The following NTNG1 variants were observed in gnomAD, a reference collection of about 807,000 sequenced individuals.
NTNG1 encodes netrin G1.
In NTNG1, 16 loss-of-function variants were observed where a neutral mutation model predicts 54.0. That is an observed-to-expected ratio of 0.30 (90% CI 0.20 to 0.45). The LOEUF (loss-of-function observed/expected upper bound fraction) is 0.45. NTNG1 is among the 20% of genes least tolerant of loss of function. NTNG1 has a pLI of 1.00. For synonymous variants in NTNG1, 255 were observed against 263.1 expected (o/e 0.97, Z 0.30); for missense variants, 530 against 678.7 (o/e 0.78, Z 2.43).
chr1:107,418,438 G>C (rs1570919706), intron 5 of NTNG1: 2 of 530,418 alleles, frequency 3.8e-6, no homozygotes, highest in Non-Finnish European at 6.8e-6. Context: ...TTTGATGTGG[G>C]AGTCATGTTT....
At chr1:107,194,526 A>G (rs1433595300) in intron 2 of NTNG1, among the ~76,000 whole-genome samples, 1 of 151,986 alleles carries the variant, frequency 6.6e-6, no homozygotes, top group East Asian at 1.9e-4. Context: ...CTGAGAGGAA[A>G]GAGACAGCCC....
At chr1:107,380,279 T>G (rs17018826) in intron 3 of NTNG1, among the ~76,000 whole-genome samples, 2,477 of 152,316 alleles carry the variant, frequency 0.016, 50 homozygotes, top group African/African-American at 0.055. Flanking sequence ...GTGATCTCCA[T>G]TTTCAAACAC....
chr1:107,350,708 G>A (rs1046978463), intron 3 of NTNG1, among the ~76,000 whole-genome samples: 1 of 152,148 alleles, frequency 6.6e-6, no homozygotes, highest in Non-Finnish European at 1.5e-5. Flanking sequence ...TGATGAGCCT[G>A]GAGAACATTA....
intron 7 of NTNG1, among the ~76,000 whole-genome samples, chr1:107,477,021 G>A (rs745953048): frequency 2.0e-5 from 3 of 152,222 alleles, no homozygotes; most frequent in Non-Finnish European, 4.4e-5. Context: ...GGATACTGAA[G>A]TAATTCCTGT....
rs932973054 is a variant in NTNG1, at chr1:107,439,465, A to G, written c.1390+2666A>G. Among the ~76,000 whole-genome samples the G allele has an allele frequency of 3.3e-5, 5 of 152,136 alleles. No homozygotes were observed. In the East Asian group the frequency reaches 5.8e-4, roughly 18 times the overall value. On this transcript the variant is annotated intron_variant, in intron 7 of 7. Transcript: ENST00000370068. ...ATATGTGATCCATCATATGGTTTTA[A>G]GCAGAGACATGAAAGGAACAGATTT...
intron 7 of NTNG1, among the ~76,000 whole-genome samples, chr1:107,444,017 G>A (rs1041887739): frequency 6.6e-6 from 1 of 152,106 alleles, no homozygotes; most frequent in East Asian, 1.9e-4. Context: ...TAGGAAGACA[G>A]GAAATAGAAA....
intron 3 of NTNG1, among the ~76,000 whole-genome samples, chr1:107,361,160 A>G (rs1670246659): frequency 6.9e-6 from 1 of 144,790 alleles, no homozygotes; most frequent in Non-Finnish European, 1.5e-5. Context: ...TATTTCTTAT[A>G]TAAAATATAA....
intron 2 of NTNG1, among the ~76,000 whole-genome samples, chr1:107,226,287 G>A (rs985433426): frequency 1.3e-5 from 2 of 152,100 alleles, no homozygotes; most frequent in Non-Finnish European, 2.9e-5. Flanking sequence ...AACGCTAAAT[G>A]CAATGCACTA....
intron 3 of NTNG1, among the ~76,000 whole-genome samples, chr1:107,387,018 C>T (rs1466588009): frequency 2.0e-5 from 3 of 152,118 alleles, no homozygotes; most frequent in Non-Finnish European, 2.9e-5. Flanking sequence ...AGCATTTCTT[C>T]GTGTGCTTAT....
chr1:107,353,992 C>T (rs77931408), intron 3 of NTNG1, among the ~76,000 whole-genome samples: 1 of 152,086 alleles, frequency 6.6e-6, no homozygotes, highest in Non-Finnish European at 1.5e-5. Flanking sequence ...GGAAATCAAC[C>T]CCAATGATCC....
chr1:107,229,505 A>G (rs928884031), intron 2 of NTNG1, among the ~76,000 whole-genome samples: 1 of 151,638 alleles, frequency 6.6e-6, no homozygotes, highest in Non-Finnish European at 1.5e-5. Context: ...GATGTGTTTA[A>G]TATATTTCAA....
At chr1:107,295,653 T>C (rs1308101035) in intron 2 of NTNG1, among the ~76,000 whole-genome samples, 2 of 152,172 alleles carry the variant, frequency 1.3e-5, no homozygotes, top group African/African-American at 4.8e-5. Flanking sequence ...AATAACAATG[T>C]ACATAGAGAA....
At chr1:107,380,889 CA>C (rs2101031820) in intron 3 of NTNG1, among the ~76,000 whole-genome samples, 1 of 152,142 alleles carries the variant, frequency 6.6e-6, no homozygotes, top group Admixed American at 6.5e-5. Context: ...AAATATAAAA[CA>C]AAAATATTTA....
chr1:107,285,666 A>G (rs1665150818), intron 2 of NTNG1, among the ~76,000 whole-genome samples: 1 of 152,202 alleles, frequency 6.6e-6, no homozygotes, highest in Non-Finnish European at 1.5e-5. Flanking sequence ...GGCAGGAGAC[A>G]CATTGGCAGC....
chr1:107,361,298 AAATATATAACAT>A (rs1321807520), intron 3 of NTNG1, among the ~76,000 whole-genome samples: 2 of 143,864 alleles, frequency 1.4e-5, no homozygotes, highest in Non-Finnish European at 3.0e-5. Context: ...TTTTATATAA[AAATATATAACAT>A]AATATATAAC....
At position 107,468,718 on chromosome 1, in the gene NTNG1, A is replaced by C. The variant is rs375329718; in HGVS notation, c.1391-11893A>C. ...ATAAAAAAAGTCACTGAGATCCTTC[A>C]GGTCTTCAGGGCCATGTTGTTTTCA... is the stretch of plus-strand genomic sequence containing the variant. On this transcript the variant is annotated intron_variant, in intron 7 of 7. Coordinates refer to ENST00000370068, the MANE Select transcript of NTNG1 (RefSeq NM_001113226.3). Among the ~76,000 whole-genome samples, 4 of 152,364 alleles carry C rather than the reference A, an allele frequency of 2.6e-5. No individual in the cohort carries two copies. The East Asian group carries it at 5.8e-4, about 22-fold the overall frequency.
At chr1:107,402,426 G>A (rs1334497489) in intron 4 of NTNG1, among the ~76,000 whole-genome samples, 2 of 152,114 alleles carry the variant, frequency 1.3e-5, no homozygotes, top group South Asian at 2.1e-4. Context: ...TGCTCCTTTT[G>A]TGAGGCTTCC....
chr1:107,203,270 T>G (rs1658899457), intron 2 of NTNG1, among the ~76,000 whole-genome samples: 1 of 151,798 alleles, frequency 6.6e-6, no homozygotes, highest in South Asian at 2.1e-4. Context: ...AGTTTTTTCA[T>G]CAAGGGTCTG....
chr1:107,212,191 T>G (rs1659641545), intron 2 of NTNG1, among the ~76,000 whole-genome samples: 1 of 152,156 alleles, frequency 6.6e-6, no homozygotes, highest in African/African-American at 2.4e-5. Context: ...TGTAGTAGCA[T>G]CGCCCACACT....
Sources: gnomAD v4.1 joint callset for allele counts (sites outside exome capture counted in the v4.1 genomes callset) on GRCh38, gnomAD v4.1.1 for gene constraint, MANE v1.5 for transcripts, NCBI Gene and HGNC (gene_info 2026-07-23, HGNC 2026-07-21) for gene names.